The following ARB2A variants were observed in gnomAD, a reference collection of about 807,000 sequenced individuals.
The protein encoded by ARB2A is ARB2 cotranscriptional regulator A, also known as cotranscriptional regulator ARB2A.
chr5:93,653,968 T>C, the ARB2A span, among the ~76,000 whole-genome samples: 1 of 152,222 alleles, frequency 6.6e-6, no homozygotes, highest in East Asian at 1.9e-4. Context: ...CTGACTCAGA[T>C]AGGGGCTCCT....
the ARB2A span, among the ~76,000 whole-genome samples, chr5:93,709,690 G>T: frequency 1.4e-5 from 2 of 144,600 alleles, no homozygotes; most frequent in African/African-American, 5.1e-5. Context: ...AAAATAAATT[G>T]CAGATTATAT....
the ARB2A span, chr5:93,805,990 T>A: frequency 1.2e-5 from 11 of 954,102 alleles, no homozygotes; most frequent in Non-Finnish European, 1.4e-5. Flanking sequence ...GATTATTTTA[T>A]ATCTAGTAGA....
the ARB2A span, among the ~76,000 whole-genome samples, chr5:93,809,434 G>T: frequency 1.3e-5 from 2 of 151,886 alleles, no homozygotes; most frequent in Admixed American, 1.3e-4. Flanking sequence ...GATAAACAAA[G>T]CTCACTTTTT....
the ARB2A span, among the ~76,000 whole-genome samples, chr5:94,094,587 T>A: frequency 6.6e-6 from 1 of 152,156 alleles, no homozygotes; most frequent in East Asian, 1.9e-4. Flanking sequence ...TTCCCCAATA[T>A]CCTCTCATCT....
At chr5:93,618,769 A>G in the ARB2A span, 1 of 152,182 alleles carries the variant, frequency 6.6e-6, no homozygotes, top group African/African-American at 2.4e-5. Flanking sequence ...AAATAGTTAA[A>G]CCAGGCCTAA....
the ARB2A span, among the ~76,000 whole-genome samples, chr5:94,003,501 G>A: frequency 1.3e-5 from 2 of 151,934 alleles, no homozygotes; most frequent in Non-Finnish European, 2.9e-5. Flanking sequence ...AACAAATTGA[G>A]TACAGCAAGA....
the ARB2A span, among the ~76,000 whole-genome samples, chr5:93,800,421 A>ACG: frequency 6.7e-6 from 1 of 149,122 alleles, no homozygotes; most frequent in East Asian, 2.0e-4. Flanking sequence ...ACACACACAC[A>ACG]CACGCACACA....
At chr5:93,824,054 CATAACTTAAAGAGTATTG>C in the ARB2A span, 1 of 1,052,006 alleles carries the variant, frequency 9.5e-7, no homozygotes, top group Non-Finnish European at 1.3e-6. Flanking sequence ...TTCTTTATAA[CATAACTTAAAGAGTATTG>C]ATACCAACAG....
chr5:93,960,907 A>G, the ARB2A span, among the ~76,000 whole-genome samples: 20 of 152,212 alleles, frequency 1.3e-4, 1 homozygote, highest in Admixed American at 1.3e-3. Flanking sequence ...AATGATGACA[A>G]TAAATATGAC....
the ARB2A span, among the ~76,000 whole-genome samples, chr5:93,723,664 A>T: frequency 2.8e-3 from 423 of 152,242 alleles, 3 homozygotes; most frequent in African/African-American, 9.5e-3. Flanking sequence ...GATGTCATAT[A>T]CAAGGAGCTA....
chr5:94,006,751 A>G, the ARB2A span, among the ~76,000 whole-genome samples: 1 of 152,222 alleles, frequency 6.6e-6, no homozygotes, highest in Non-Finnish European at 1.5e-5. Context: ...AGAGGAGTAT[A>G]CATTTTTAAA....
chr5:93,724,320 C>T, the ARB2A span, among the ~76,000 whole-genome samples: 2,941 of 152,038 alleles, frequency 0.019, 103 homozygotes, highest in African/African-American at 0.067. Flanking sequence ...TCTCAAAAGA[C>T]GTCCGCCAAC....
chr5:93,901,175 T>G, the ARB2A span, among the ~76,000 whole-genome samples: 6 of 152,186 alleles, frequency 3.9e-5, no homozygotes, highest in Admixed American at 1.3e-4. Flanking sequence ...AGACAATAAT[T>G]ATTCCCTTTT....
At chr5:93,805,677 A>T in the ARB2A span, 1 of 985,194 alleles carries the variant, frequency 1.0e-6, no homozygotes, top group South Asian at 4.7e-5. Context: ...TAAGGGGAAG[A>T]AATACAGCAA....
At chr5:93,822,694 AC>A in the ARB2A span, among the ~76,000 whole-genome samples, 2 of 152,016 alleles carry the variant, frequency 1.3e-5, no homozygotes, top group Admixed American at 6.6e-5. Flanking sequence ...TATTTGAAAA[AC>A]AACATTCATA....
At chr5:94,000,702 T>C in the ARB2A span, among the ~76,000 whole-genome samples, 1 of 152,088 alleles carries the variant, frequency 6.6e-6, no homozygotes, top group Non-Finnish European at 1.5e-5. Context: ...ATACCTTTGG[T>C]GTTGCATCTA....
chr5:94,022,980 C>G, the ARB2A span, among the ~76,000 whole-genome samples: 1 of 152,192 alleles, frequency 6.6e-6, no homozygotes, highest in Non-Finnish European at 1.5e-5. Flanking sequence ...AATTCTTCCC[C>G]ACATCACCTC....
chr5:93,853,799 G>C, the ARB2A span, among the ~76,000 whole-genome samples: 13 of 152,158 alleles, frequency 8.5e-5, no homozygotes, highest in African/African-American at 3.1e-4. Context: ...TGCATCCCAG[G>C]GATGAAGCCC....
At chr5:93,993,365 T>A in the ARB2A span, among the ~76,000 whole-genome samples, 3 of 152,118 alleles carry the variant, frequency 2.0e-5, no homozygotes, top group Non-Finnish European at 4.4e-5. Flanking sequence ...GACAGAAGAC[T>A]TTAAGAGAAA....
Sources: gnomAD v4.1 joint callset for allele counts (sites outside exome capture counted in the v4.1 genomes callset) on GRCh38, gnomAD v4.1.1 for gene constraint, MANE v1.5 for transcripts, NCBI Gene and HGNC (gene_info 2026-07-23, HGNC 2026-07-21) for gene names.